The following NVL variants were observed in gnomAD, a reference collection of about 807,000 sequenced individuals.
NVL encodes nuclear valosin-containing protein-like.
In NVL, 84 loss-of-function variants were observed where a neutral mutation model predicts 110.2. The observed-to-expected ratio is 0.76, with a 90% confidence interval of 0.64 to 0.91. The LOEUF (loss-of-function observed/expected upper bound fraction) is 0.91, where lower values mean the gene tolerates loss of function less well. NVL is among the 40% of genes least tolerant of loss of function. The pLI is 0.00. For missense variants in NVL, 882 were observed against 1,035.9 expected, an observed-to-expected ratio of 0.85 and a Z score of 2.04; for synonymous variants, 354 against 361.1, an observed-to-expected ratio of 0.98 and a Z score of 0.22.
intron 2 of NVL, among the ~76,000 whole-genome samples, 157 bp downstream of exon 2, chr1:224,326,234 T>A (rs925106720): frequency 2.0e-5 from 3 of 152,236 alleles, no homozygotes; most frequent in Non-Finnish European, 2.9e-5. Context: ...AGGTATTTGA[T>A]AAATGTTTGC....
chr1:224,258,668 C>T lies in NVL; in HGVS notation c.2183-8350G>A, dbSNP rs561923814. 7.9e-4 allele frequency among the ~76,000 whole-genome samples: 120 copies of T among 152,050 alleles called. 1 individual carries two copies. Among genetic ancestry groups the T allele is most frequent in the African/African-American group, 2.8e-3 (117 of 41,494 alleles). ...CCCAGATGTCCAACTGGTGAATACA[C>T]AAAATGTGGTATATCCATACAACGG... On this transcript the variant is annotated intron_variant, in intron 18 of 22. Transcript: ENST00000281701.
At chr1:224,264,076 G>A (rs1415679240) in intron 18 of NVL, among the ~76,000 whole-genome samples, 2 of 152,032 alleles carry the variant, frequency 1.3e-5, no homozygotes, top group African/African-American at 4.8e-5. Context: ...AGCCGGGTTG[G>A]GAGAGAGACC....
chr1:224,324,136 C>T (rs946898558), intron 2 of NVL, among the ~76,000 whole-genome samples: 2 of 152,306 alleles, frequency 1.3e-5, no homozygotes, highest in East Asian at 1.9e-4. Context: ...CAAACCTATA[C>T]AGCACATTAT....
At position 224,267,929 on chromosome 1, in the gene NVL, T is replaced by C. The variant is rs1419720436; in HGVS notation, c.2182+105A>G. 3 of 761,010 alleles carry C rather than the reference T, an allele frequency of 3.9e-6. No homozygotes were observed. The Admixed American group carries it at 8.2e-5, about 21-fold the overall frequency. The allele number at this position is 761,010 out of a possible 1,614,324, so 47.1% of individuals were successfully genotyped here. On this transcript the variant is annotated intron_variant, in intron 18 of 22. Coordinates refer to ENST00000281701, the MANE Select transcript of NVL (RefSeq NM_002533.4). ...GGATGCATGTGAATTATATTGTTTA[T>C]AAATGCTACTAGTTTTTACTTTTAT...
At position 224,308,281 on chromosome 1, in the gene NVL, CA is replaced by C; in HGVS notation, c.343-19del. 1 of 1,581,542 alleles carries C rather than the reference CA, an allele frequency of 6.3e-7. No individual in the cohort carries two copies. On this transcript the variant is annotated intron_variant, in intron 5 of 22. Coordinates refer to ENST00000281701, the MANE Select transcript of NVL (RefSeq NM_002533.4). ...TTTGCTGACTGGCAGAAAGATAAAA[CA>C]AAATTGTAGCATAAATTACTCAACA...
chr1:224,273,650 T>C (rs1354217990), intron 17 of NVL, among the ~76,000 whole-genome samples: 1 of 152,054 alleles, frequency 6.6e-6, no homozygotes, highest in Non-Finnish European at 1.5e-5. Flanking sequence ...GAAGGGGCTA[T>C]GGACAAATGA....
chr1:224,306,321 C>T (rs1668907789), intron 6 of NVL, among the ~76,000 whole-genome samples: 1 of 152,006 alleles, frequency 6.6e-6, no homozygotes, highest in Admixed American at 6.6e-5. Context: ...GGATGGAGTG[C>T]AGTGGCACGA....
intron 21 of NVL, among the ~76,000 whole-genome samples, chr1:224,232,666 T>C (rs1660032916): frequency 6.6e-6 from 1 of 152,106 alleles, no homozygotes; most frequent in Admixed American, 6.6e-5. Context: ...AGCAGACAAT[T>C]TTTTTCCCCC....
At chr1:224,308,400 T>C (rs143342979) in intron 5 of NVL, 137 bp from the exon 6 acceptor site, 15 of 776,336 alleles carry the variant, frequency 1.9e-5, no homozygotes, top group African/African-American at 1.8e-4. Flanking sequence ...TCAGAATATA[T>C]AGGTGTTAGG....
chr1:224,278,375 G>T (rs1171471410), intron 16 of NVL, among the ~76,000 whole-genome samples: 1 of 151,728 alleles, frequency 6.6e-6, no homozygotes, highest in Non-Finnish European at 1.5e-5. Flanking sequence ...TGGGATTACA[G>T]ACACCCACCA....
At chr1:224,291,903 G>T (rs1320273323) in intron 12 of NVL, among the ~76,000 whole-genome samples, 3 of 152,162 alleles carry the variant, frequency 2.0e-5, no homozygotes, top group Non-Finnish European at 4.4e-5. Context: ...TCATACTGTA[G>T]AAACTCCAAA....
chr1:224,293,272 T>C lies in NVL; in HGVS notation c.1325+995A>G, dbSNP rs112576302. Among the ~76,000 whole-genome samples, 920 of 151,682 alleles carry C rather than the reference T, an allele frequency of 6.1e-3. 9 individuals carry two copies. Among genetic ancestry groups the C allele is most frequent in the African/African-American group, 0.021 (869 of 41,314 alleles). The stretch of plus-strand genomic sequence containing the variant: ...TTTTAGTAGTAACGGGGTTTCACCA[T>C]GTTAGCCAGGATGGTCTCAATCTCC... On this transcript the variant is annotated intron_variant, in intron 12 of 22. Coordinates refer to ENST00000281701, the MANE Select transcript of NVL (RefSeq NM_002533.4).
At chr1:224,242,202 C>T (rs1474874065) in intron 19 of NVL, among the ~76,000 whole-genome samples, 2 of 151,974 alleles carry the variant, frequency 1.3e-5, no homozygotes, top group African/African-American at 4.8e-5. Flanking sequence ...TGGGAAGATG[C>T]AAAAGTTCTG....
intron 1 of NVL, among the ~76,000 whole-genome samples, chr1:224,327,523 C>T (rs558210668): frequency 6.6e-6 from 1 of 151,962 alleles, no homozygotes; most frequent in East Asian, 1.9e-4. Context: ...TATCTTCAGG[C>T]TATGTGTGTA....
intron 4 of NVL, among the ~76,000 whole-genome samples, chr1:224,313,702 C>A (rs1321329103): frequency 1.3e-5 from 2 of 152,078 alleles, no homozygotes; most frequent in Non-Finnish European, 2.9e-5. Flanking sequence ...TATAAAATCA[C>A]AAATAAAAAT....
intron 10 of NVL, 80 bp downstream of exon 10, chr1:224,300,482 T>C: frequency 4.1e-6 from 4 of 972,300 alleles, no homozygotes; most frequent in South Asian, 1.7e-5. Flanking sequence ...GGTTAACAAA[T>C]ACTAGCATCA....
chr1:224,298,897 A>G (rs1385852433), intron 10 of NVL, among the ~76,000 whole-genome samples: 1 of 152,216 alleles, frequency 6.6e-6, no homozygotes, highest in Non-Finnish European at 1.5e-5. Flanking sequence ...ATAATTTACA[A>G]AAACTTAAAA....
rs187941777 is a variant in NVL at position 224,285,039 on chromosome 1, G to A, written c.1899+987C>T. Among the ~76,000 whole-genome samples, 3 of 152,250 alleles carry A rather than the reference G, an allele frequency of 2.0e-5. No individual in the cohort carries two copies. The East Asian group carries it at 5.8e-4, about 29-fold the overall frequency. The stretch of plus-strand genomic sequence containing the variant: ...TAAATTATAGAACATCTATCTTTAT[G>A]GTAGAATATTATGCAGGCATTAAAA... On this transcript the variant is annotated intron_variant, in intron 15 of 22. Coordinates refer to ENST00000281701, the MANE Select transcript of NVL (RefSeq NM_002533.4).
At chr1:224,256,423 T>TAAAAAAAAAA (rs34959473) in intron 18 of NVL, among the ~76,000 whole-genome samples, 2 of 75,678 alleles carry the variant, frequency 2.6e-5, no homozygotes, top group Non-Finnish European at 4.8e-5. Context: ...AGGCTCCATC[T>TAAAAAAAAAA]AAAAAAAAAA....
Sources: allele counts gnomAD v4.1 joint callset (sites outside exome capture counted in the v4.1 genomes callset), GRCh38; gene constraint gnomAD v4.1.1; transcripts MANE v1.5; gene names NCBI Gene and HGNC (gene_info 2026-07-23, HGNC 2026-07-21).